The following ITGBL1 variants were observed in gnomAD, a reference collection of about 807,000 sequenced individuals.
ITGBL1 encodes integrin beta-like protein 1.
In ITGBL1, 51 loss-of-function variants were observed where a neutral mutation model predicts 68.5. The observed-to-expected ratio is 0.74, with a 90% CI of 0.59 to 0.94. The LOEUF (loss-of-function observed/expected upper bound fraction) is 0.94. ITGBL1 is among the 40% of genes least tolerant of loss of function. The pLI is 0.00. For synonymous variants in ITGBL1, 209 were observed against 227.3 expected (o/e 0.92, Z 0.72); for missense variants, 649 against 647.4 (o/e 1.00, Z -0.03).
chr13:101,605,940 A>C (rs999906998), intron 7 of ITGBL1, among the ~76,000 whole-genome samples: 1 of 148,168 alleles, frequency 6.7e-6, no homozygotes, highest in Non-Finnish European at 1.5e-5. Context: ...GTATGCGTGT[A>C]TGTGTATATA....
intron 2 of ITGBL1, among the ~76,000 whole-genome samples, chr13:101,523,011 G>T (rs1389148471): frequency 6.6e-6 from 1 of 152,104 alleles, no homozygotes; most frequent in Non-Finnish European, 1.5e-5. Flanking sequence ...ACCTCAGATC[G>T]CTCAGAGATG....
intron 2 of ITGBL1, among the ~76,000 whole-genome samples, chr13:101,542,858 A>G (rs2049735927): frequency 6.6e-6 from 1 of 152,064 alleles, no homozygotes; most frequent in East Asian, 1.9e-4. Flanking sequence ...AGTCTGTTTT[A>G]TCAGAGACTA....
chr13:101,491,573 T>A (rs918299061), intron 2 of ITGBL1, among the ~76,000 whole-genome samples: 3 of 152,222 alleles, frequency 2.0e-5, no homozygotes, highest in African/African-American at 7.2e-5. Flanking sequence ...TTAAGTGGAT[T>A]TGTAAGATGA....
chr13:101,566,734 G>A (rs1038858358), intron 2 of ITGBL1, among the ~76,000 whole-genome samples: 5 of 152,086 alleles, frequency 3.3e-5, no homozygotes, highest in African/African-American at 9.7e-5. Flanking sequence ...TAGGCATTTA[G>A]ACATAGTAGT....
chr13:101,619,101 G>A (rs76643981), intron 7 of ITGBL1, among the ~76,000 whole-genome samples: 1,894 of 152,040 alleles, frequency 0.012, 33 homozygotes, highest in East Asian at 0.054. Flanking sequence ...CATTGATTAC[G>A]TGTACAGCCT....
intron 9 of ITGBL1, among the ~76,000 whole-genome samples, chr13:101,709,439 G>T (rs144937567): frequency 6.8e-6 from 1 of 146,842 alleles, no homozygotes; most frequent in East Asian, 2.0e-4. Context: ...TAAACTGCAA[G>T]AGAGAAGTAG....
intron 7 of ITGBL1, among the ~76,000 whole-genome samples, chr13:101,622,572 AT>A (rs1168500114): frequency 6.6e-6 from 1 of 152,154 alleles, no homozygotes; most frequent in East Asian, 1.9e-4. Flanking sequence ...CTCTGACTCC[AT>A]GAGTAGTGTT....
At chr13:101,476,259 T>C (rs1377917527) in intron 2 of ITGBL1, among the ~76,000 whole-genome samples, 2 of 152,124 alleles carry the variant, frequency 1.3e-5, no homozygotes, top group African/African-American at 4.8e-5. Context: ...TTGCAATCAG[T>C]GTTGTCATCA....
chr13:101,663,804 A>G (rs2033145653), intron 7 of ITGBL1, among the ~76,000 whole-genome samples: 1 of 152,116 alleles, frequency 6.6e-6, no homozygotes, highest in Non-Finnish European at 1.5e-5. Flanking sequence ...ACATTGCACT[A>G]AAACTTGGAT....
At chr13:101,588,693 T>TAAAAA (rs3063720) in intron 6 of ITGBL1, among the ~76,000 whole-genome samples, 1 of 147,678 alleles carries the variant, frequency 6.8e-6, no homozygotes. Flanking sequence ...ATTTGTCTAT[T>TAAAAA]AAAAAAAAAA....
intron 2 of ITGBL1, among the ~76,000 whole-genome samples, chr13:101,481,601 T>G (rs939051422): frequency 3.3e-5 from 5 of 152,046 alleles, no homozygotes; most frequent in Non-Finnish European, 7.4e-5. Context: ...TGGTTTGAAT[T>G]TCAAGTTAAA....
intron 7 of ITGBL1, among the ~76,000 whole-genome samples, chr13:101,631,905 C>G (rs924679728): frequency 1.3e-5 from 2 of 151,968 alleles, no homozygotes; most frequent in Admixed American, 1.3e-4. Context: ...TGGACCTCTT[C>G]CACACAGTAT....
chr13:101,653,470 C>A (rs2032817409), intron 7 of ITGBL1, among the ~76,000 whole-genome samples: 2 of 151,952 alleles, frequency 1.3e-5, no homozygotes, highest in African/African-American at 4.8e-5. Context: ...AAAAACATGA[C>A]CAAAATCAAT....
intron 2 of ITGBL1, among the ~76,000 whole-genome samples, chr13:101,544,450 T>A (rs2049777986): frequency 6.6e-6 from 1 of 152,144 alleles, no homozygotes; most frequent in African/African-American, 2.4e-5. Flanking sequence ...GTGTGAGGTG[T>A]CAGTCTGCCC....
rs1158861988 is a variant in ITGBL1, at chr13:101,659,616, C to T, written c.1016-32969C>T. 3.9e-5 allele frequency among the ~76,000 whole-genome samples: 6 copies of T among 152,202 alleles called. No individual in the cohort carries two copies. In the East Asian group the frequency reaches 7.7e-4, roughly 20 times the overall value. ...AGCTGGGACTACAGGCATGTGCCAC[C>T]GCACCTGGCTAATTTTTTGTATTTT... On this transcript the variant is annotated intron_variant, in intron 7 of 10. Transcript: ENST00000376180.
At chr13:101,525,753 C>G (rs1363462803) in intron 2 of ITGBL1, among the ~76,000 whole-genome samples, 2 of 151,976 alleles carry the variant, frequency 1.3e-5, no homozygotes, top group Non-Finnish European at 2.9e-5. Flanking sequence ...TGAAAACATT[C>G]TCGTTGTGTA....
intron 2 of ITGBL1, among the ~76,000 whole-genome samples, chr13:101,489,521 CTTTG>C (rs2048746509): frequency 1.3e-5 from 2 of 152,046 alleles, no homozygotes; most frequent in Admixed American, 6.6e-5. Context: ...CCCTTAAATG[CTTTG>C]GTATGTGATT....
At chr13:101,580,741 T>G (rs1454142984) in intron 5 of ITGBL1, among the ~76,000 whole-genome samples, 1 of 152,168 alleles carries the variant, frequency 6.6e-6, no homozygotes, top group Non-Finnish European at 1.5e-5. Context: ...AATGACTATT[T>G]GGCTGTCAAA....
At chr13:101,573,394 A>T (rs543854318) in intron 3 of ITGBL1, among the ~76,000 whole-genome samples, 27 of 152,320 alleles carry the variant, frequency 1.8e-4, no homozygotes, top group African/African-American at 5.5e-4. Context: ...TGAAAAATTT[A>T]TAGATAATAG....
Sources: allele counts gnomAD v4.1 joint callset (sites outside exome capture counted in the v4.1 genomes callset), GRCh38; gene constraint gnomAD v4.1.1; transcripts MANE v1.5; gene names NCBI Gene and HGNC (gene_info 2026-07-23, HGNC 2026-07-21).